Variants in SSBP2 observed in about 807,000 individuals in gnomAD.
SSBP2 encodes single-stranded DNA-binding protein 2.
In SSBP2, 17 loss-of-function variants were observed where a neutral mutation model predicts 61.8. The observed-to-expected ratio is 0.28, with a 90% CI of 0.19 to 0.41. The LOEUF is 0.41. Ranked by LOEUF, SSBP2 falls within the 10% of genes least tolerant of loss-of-function variation. The pLI is 1.00. For missense variants in SSBP2, 310 were observed against 458.7 expected (o/e 0.68, Z 2.96); for synonymous variants, 139 against 141.3 (o/e 0.98, Z 0.12).
intron 4 of SSBP2, among the ~76,000 whole-genome samples, chr5:81,591,406 A>G (rs1775489134): frequency 6.6e-6 from 1 of 152,254 alleles, no homozygotes; most frequent in South Asian, 2.1e-4. Context: ...ATATCAAGAA[A>G]GAATGAAACA....
chr5:81,581,040 G>A (rs75965742), intron 4 of SSBP2, among the ~76,000 whole-genome samples: 2 of 152,228 alleles, frequency 1.3e-5, no homozygotes, highest in East Asian at 1.9e-4. Flanking sequence ...AGAAAGTTAC[G>A]TAAAAGTGCA....
At chr5:81,615,589 A>T (rs1236070293) in intron 3 of SSBP2, 32 bp from the exon 4 acceptor site, 1 of 1,353,168 alleles carries the variant, frequency 7.4e-7, no homozygotes. Flanking sequence ...CATTAAGAAA[A>T]TCATACAACA....
intron 12 of SSBP2, among the ~76,000 whole-genome samples, chr5:81,444,722 G>A (rs970661727): frequency 6.6e-6 from 1 of 152,146 alleles, no homozygotes; most frequent in African/African-American, 2.4e-5. Flanking sequence ...GTAAAAGGAA[G>A]ATGGGCTACA....
chr5:81,468,762 C>G (rs954746808), intron 8 of SSBP2, among the ~76,000 whole-genome samples: 1 of 151,932 alleles, frequency 6.6e-6, no homozygotes, highest in Non-Finnish European at 1.5e-5. Flanking sequence ...TAGTTACATG[C>G]TATTCTCATT....
chr5:81,574,149 A>C (rs1774035615), intron 4 of SSBP2, among the ~76,000 whole-genome samples: 1 of 152,126 alleles, frequency 6.6e-6, no homozygotes, highest in Non-Finnish European at 1.5e-5. Flanking sequence ...TCTAAAAAAA[A>C]CAAAACAAAA....
intron 12 of SSBP2, among the ~76,000 whole-genome samples, chr5:81,445,701 T>C (rs1763358650): frequency 1.3e-5 from 2 of 152,164 alleles, no homozygotes; most frequent in African/African-American, 4.8e-5. Context: ...GTATGATCAA[T>C]GATACTGAAT....
chr5:81,689,156 C>T (rs547413054), intron 1 of SSBP2, among the ~76,000 whole-genome samples: 6 of 151,510 alleles, frequency 4.0e-5, no homozygotes, highest in Admixed American at 1.3e-4. Context: ...AGCTTGAAGA[C>T]AAGCTATTTG....
intron 4 of SSBP2, among the ~76,000 whole-genome samples, chr5:81,572,236 A>C (rs1191551608): frequency 6.6e-6 from 1 of 152,220 alleles, no homozygotes; most frequent in Non-Finnish European, 1.5e-5. Flanking sequence ...AATTGTAAGA[A>C]TGTTTTGAGT....
At chr5:81,466,417 G>A (rs900702883) in intron 9 of SSBP2, among the ~76,000 whole-genome samples, 2 of 151,882 alleles carry the variant, frequency 1.3e-5, no homozygotes, top group East Asian at 1.9e-4. Context: ...TTCATCCTAC[G>A]CTACGGAAAG....
intron 4 of SSBP2, among the ~76,000 whole-genome samples, chr5:81,559,931 T>C (rs1772912238): frequency 6.6e-6 from 1 of 152,194 alleles, no homozygotes; most frequent in Admixed American, 6.5e-5. Context: ...TTAAATAAGC[T>C]TTTAATTTAC....
chr5:81,704,003 CCA>C (rs529973751), intron 1 of SSBP2, among the ~76,000 whole-genome samples: 48 of 152,282 alleles, frequency 3.2e-4, no homozygotes, highest in African/African-American at 1.1e-3. Context: ...TTGGACATGA[CCA>C]CAGAACACCA....
At chr5:81,433,095 G>A (rs1298115617) in intron 15 of SSBP2, among the ~76,000 whole-genome samples, 9 of 151,762 alleles carry the variant, frequency 5.9e-5, no homozygotes, top group South Asian at 2.1e-4. Context: ...CCACCACCCC[G>A]TCTGGGAGGT....
At chr5:81,571,127 CTTTTAGATGACACTA>C (rs1773808348) in intron 4 of SSBP2, among the ~76,000 whole-genome samples, 2 of 152,164 alleles carry the variant, frequency 1.3e-5, no homozygotes, top group South Asian at 4.1e-4. Context: ...TTCTACTTAG[CTTTTAGATGACACTA>C]TTTTTGTCTC....
At chr5:81,689,368 A>G (rs1395373577) in intron 1 of SSBP2, among the ~76,000 whole-genome samples, 1 of 152,140 alleles carries the variant, frequency 6.6e-6, no homozygotes, top group East Asian at 1.9e-4. Context: ...AGTACAATAA[A>G]GTTATAGAAC....
At chr5:81,507,596 G>A (rs537202191) in intron 5 of SSBP2, among the ~76,000 whole-genome samples, 11 of 152,166 alleles carry the variant, frequency 7.2e-5, no homozygotes, top group African/African-American at 1.9e-4. Context: ...ATTACGTTGT[G>A]TTTTTATATA....
intron 1 of SSBP2, among the ~76,000 whole-genome samples, chr5:81,742,265 C>A (rs79308795): frequency 0.045 from 6,802 of 152,176 alleles, 192 homozygotes; most frequent in East Asian, 0.11. Context: ...ATACACACAT[C>A]ATAATATAAT....
Position 81,593,584 on chromosome 5 carries a change from C to T in SSBP2, c.282+21889G>A, listed in dbSNP as rs577303048. Among the ~76,000 whole-genome samples, 15 of 152,202 alleles carry T rather than the reference C, an allele frequency of 9.9e-5. 1 individual carries two copies. The East Asian group carries it at 2.9e-3, about 29-fold the overall frequency. On this transcript the variant is annotated intron_variant, in intron 4 of 16. Coordinates refer to ENST00000320672, the MANE Select transcript of SSBP2 (RefSeq NM_012446.5). The stretch of plus-strand genomic sequence containing the variant: ...ATGAAGGAAAAAATGTTAAGGGCAG[C>T]CAGAGAGAAAGGTTGGGTTACCCAC...
intron 4 of SSBP2, among the ~76,000 whole-genome samples, chr5:81,603,519 C>T (rs1269617057): frequency 1.3e-5 from 2 of 152,166 alleles, no homozygotes; most frequent in Admixed American, 1.3e-4. Flanking sequence ...CTGGCATGAT[C>T]ACATTGCAGA....
At chr5:81,518,987 A>T (rs1319341163) in intron 4 of SSBP2, among the ~76,000 whole-genome samples, 2 of 152,154 alleles carry the variant, frequency 1.3e-5, no homozygotes, top group African/African-American at 4.8e-5. Context: ...TTAATAGGCT[A>T]CTGAATTATA....
Sources: gnomAD v4.1 joint callset for allele counts (sites outside exome capture counted in the v4.1 genomes callset) on GRCh38, gnomAD v4.1.1 for gene constraint, MANE v1.5 for transcripts, NCBI Gene and HGNC (gene_info 2026-07-23, HGNC 2026-07-21) for gene names.